PKLR: variants seen among roughly 807,000 people sequenced by gnomAD.
PKLR encodes pyruvate kinase L/R.
In PKLR, 38 loss-of-function variants were observed where a neutral mutation model predicts 53.6. That is an observed-to-expected ratio of 0.71 (90% confidence interval 0.55 to 0.93). The LOEUF is 0.93. PKLR is among the 40% of genes least tolerant of loss of function. The probability of loss-of-function intolerance (pLI) is 0.00; values close to 1 mark genes in which losing one functional copy is unlikely to be tolerated. For missense variants in PKLR, 702 were observed against 787.3 expected, an observed-to-expected ratio of 0.89 and a Z score of 1.30; for synonymous variants, 328 against 316.2, an observed-to-expected ratio of 1.04 and a Z score of -0.39.
the PKLR span, among the ~76,000 whole-genome samples, chr1:155,308,042 G>C: frequency 6.7e-6 from 1 of 150,330 alleles, no homozygotes; most frequent in African/African-American, 2.4e-5. Context: ...GGAATTACAA[G>C]TGTGAGACTC....
chr1:155,290,508 A>T lies in PKLR; in HGVS notation c.*64T>A. 1.0e-6 allele frequency: 1 copy of T among 970,482 alleles called. No homozygotes were observed. Among genetic ancestry groups the T allele is most frequent in the East Asian group, 2.5e-5 (1 of 40,458 alleles). 60.1% of individuals were successfully genotyped at this position (970,482 alleles called of 1,614,324 possible). A position where few individuals can be genotyped will look rare whatever the true frequency, so the allele number is the denominator to read the frequency against. ...GCTTTGGAGGGGTGTGGGCTGGAGA[A>T]CGTAGACTGGGGAGGAAGGGATGGG... On this transcript the variant is annotated 3_prime_UTR_variant, in exon 11 of 11. Transcript: ENST00000342741.
Position 155,290,175 on chromosome 1 carries a change from G to A in PKLR, c.*397C>T. The A allele has an allele frequency of 3.7e-6, 1 of 270,128 alleles. No homozygotes were observed. Among genetic ancestry groups the A allele is most frequent in the Admixed American group, 4.7e-5 (1 of 21,494 alleles). 16.7% of individuals were successfully genotyped at this position (270,128 alleles called of 1,614,324 possible). A position where few individuals can be genotyped will look rare whatever the true frequency, so the allele number is the denominator to read the frequency against. On this transcript the variant is annotated 3_prime_UTR_variant, in exon 11 of 11. Coordinates refer to ENST00000342741, the MANE Select transcript of PKLR (RefSeq NM_000298.6). Reference sequence around the variant, plus strand: ...GCTACATATGAGAATGGGAGACTGTGGACAAGATTGCCCTGTCTCCCCTCT... The same window carrying A: ...GCTACATATGAGAATGGGAGACTGTAGACAAGATTGCCCTGTCTCCCCTCT...
At chr1:155,304,760 C>G (rs1157608590), upstream of PKLR, among the ~76,000 whole-genome samples, 1 of 152,144 alleles carries the variant, frequency 6.6e-6, no homozygotes, top group Non-Finnish European at 1.5e-5. Flanking sequence ...ATTTGAGAAG[C>G]CAGTTAATCA....
In PKLR at chr1:155,291,561, G is replaced by A. The variant is rs182457669; in HGVS notation, c.1618+195C>T. Among the ~76,000 whole-genome samples the A allele has an allele frequency of 2.9e-3, 446 of 152,146 alleles. 1 individual carries two copies. Among genetic ancestry groups the A allele is most frequent in the African/African-American group, 7.7e-3 (319 of 41,496 alleles). On this transcript the variant is annotated intron_variant, in intron 10 of 10. Coordinates refer to ENST00000342741, the MANE Select transcript of PKLR (RefSeq NM_000298.6). Reference sequence around the variant, plus strand: ...GAGTGTGTTGCTAAGTAGCACGGCCGTCTGCCTGTGTGGCTATGCTGATGG... The same window carrying A: ...GAGTGTGTTGCTAAGTAGCACGGCCATCTGCCTGTGTGGCTATGCTGATGG...
chr1:155,300,987 C>A, intron 1 of PKLR: 2 of 1,557,938 alleles, frequency 1.3e-6, no homozygotes, highest in Non-Finnish European at 1.7e-6. Context: ...ATCAGTTCTG[C>A]AGACTGGTTA....
chr1:155,292,727 AGATATT>A (rs1391990447), intron 9 of PKLR, among the ~76,000 whole-genome samples: 4 of 152,208 alleles, frequency 2.6e-5, no homozygotes, highest in South Asian at 2.1e-4. Flanking sequence ...TTTACTATAT[AGATATT>A]AAGTACTATC....
At chr1:155,308,552 A>G in the PKLR span, 1 of 985,386 alleles carries the variant, frequency 1.0e-6, no homozygotes, top group Non-Finnish European at 1.2e-6. Context: ...CGTTTTACTA[A>G]CGTGCCAATC....
upstream of PKLR, chr1:155,301,443 A>T: frequency 3.1e-6 from 5 of 1,613,792 alleles, no homozygotes; most frequent in South Asian, 5.5e-5. Flanking sequence ...TGAGAGGGAG[A>T]GGATGACAAA....
chr1:155,294,603 T>C lies in PKLR; in HGVS notation c.844A>G (p.Ile282Val). Residue 282 changes from isoleucine (I) to valine (V), a missense_variant, in exon 6 of 11, where the codon ATC (isoleucine) becomes GTC (valine). Transcript: ENST00000342741. Reference protein sequence around the residue: ...LRFGVEHGVDIVFASFVRKAS... With the variant: ...LRFGVEHGVDVVFASFVRKAS... ...TTCCGCACAAAGGAGGCAAAGACGA[T>C]GTCCACCCCATGCTCCACCCCGAAG... The C allele has an allele frequency of 1.2e-6, 2 of 1,614,218 alleles. No individual in the cohort carries two copies. Among genetic ancestry groups the C allele is most frequent in the African/African-American group, 1.3e-5 (1 of 75,060 alleles).
At chr1:155,298,538 G>T (rs917136226) in intron 2 of PKLR, among the ~76,000 whole-genome samples, 2 of 149,146 alleles carry the variant, frequency 1.3e-5, no homozygotes, top group African/African-American at 5.0e-5. Context: ...CCATGTTGAG[G>T]CTGGTCTCGA....
chr1:155,293,570 G>A lies in PKLR; in HGVS notation c.1137C>T (p.Thr379=), dbSNP rs779728345. Residue 379 remains threonine (T), a synonymous_variant, in exon 8 of 11, where the codon ACC becomes ACT. Coordinates refer to ENST00000342741, the MANE Select transcript of PKLR (RefSeq NM_000298.6). The surrounding 1 kb of genome is among the most constrained non-coding windows in gnomAD (Gnocchi z 4.2). ...CATQMLESMI[T]KPRPTRAETS... ...TCTCTGCCCTCGTTGGCCGGGGCTT[G>A]GTAATCATGCTCTCCAGCATCTGGG... The A allele has an allele frequency of 3.7e-6, 6 of 1,614,138 alleles. No homozygotes were observed. The highest frequency in any genetic ancestry group is 5.1e-6 in the Non-Finnish European group (6 of 1,179,996).
chr1:155,293,335 C>T lies in PKLR; in HGVS notation c.1278G>A (p.Arg426=), dbSNP rs1015344316. 1.2e-6 allele frequency: 2 copies of T among 1,614,126 alleles called. No individual in the cohort carries two copies. The highest frequency in any genetic ancestry group is 2.7e-5 in the African/African-American group (2 of 74,934). ...EAVKMQHAIA[R]EAEAAVYHRQ... is the part of the protein sequence containing the mutation. ...GGTGGTACACTGCGGCCTCTGCCTC[C>T]CGGGCAATCTGCAGGTGCCAGAATG... is the stretch of plus-strand genomic sequence containing the variant. The change falls in exon 9 of 11, where the codon CGG becomes CGA. Residue 426 remains arginine (R), a synonymous_variant. Coordinates refer to ENST00000342741, the MANE Select transcript of PKLR (RefSeq NM_000298.6). This position sits in a 1 kb window ranked among gnomAD's most constrained non-coding sequence, Gnocchi z 4.2.
chr1:155,304,155 G>A (rs1412756857), upstream of PKLR, among the ~76,000 whole-genome samples: 3 of 152,080 alleles, frequency 2.0e-5, no homozygotes, highest in South Asian at 2.1e-4. Context: ...GATGGTAGCC[G>A]GGAGCGGTGG....
upstream of PKLR, among the ~76,000 whole-genome samples, chr1:155,306,084 C>A (rs538121400): frequency 1.3e-5 from 2 of 152,168 alleles, no homozygotes; most frequent in East Asian, 1.9e-4. The surrounding 1 kb of genome is among the most constrained non-coding windows in gnomAD (Gnocchi z 4.2). Context: ...GGGACAGACA[C>A]TTTGACCTGA....
chr1:155,302,775 C>T (rs984038477), upstream of PKLR, among the ~76,000 whole-genome samples: 4 of 151,966 alleles, frequency 2.6e-5, no homozygotes, highest in East Asian at 3.9e-4. Context: ...TGGGCTCCAA[C>T]GATCCTCCCA....
upstream of PKLR, among the ~76,000 whole-genome samples, chr1:155,303,175 A>C (rs929110219): frequency 5.3e-5 from 8 of 152,208 alleles, no homozygotes; most frequent in Admixed American, 4.6e-4. Flanking sequence ...CTTTGGCCTG[A>C]TTGCCCTGGC....
chr1:155,290,558 GA>G lies in PKLR; in HGVS notation c.*13del. Reference sequence around the variant, plus strand: ...GGTACAAGGGTAGGCTGGGCCAGAGGAGGGAGGGGCGTCTCAGGATATGCTT... The same window carrying G: ...GGTACAAGGGTAGGCTGGGCCAGAGGGGGAGGGGCGTCTCAGGATATGCTT... On this transcript the variant is annotated 3_prime_UTR_variant, in exon 11 of 11. Coordinates refer to ENST00000342741, the MANE Select transcript of PKLR (RefSeq NM_000298.6). 2 of 1,522,078 alleles carry G rather than the reference GA, an allele frequency of 1.3e-6. No individual in the cohort carries two copies. The highest frequency in any genetic ancestry group is 1.8e-6 in the Non-Finnish European group (2 of 1,097,310). 94.3% of individuals were successfully genotyped at this position (1,522,078 alleles called of 1,614,324 possible). A position where few individuals can be genotyped will look rare whatever the true frequency, so the allele number is the denominator to read the frequency against.
At chr1:155,304,555 G>A (rs1648179608), upstream of PKLR, among the ~76,000 whole-genome samples, 1 of 152,106 alleles carries the variant, frequency 6.6e-6, no homozygotes, top group Non-Finnish European at 1.5e-5. Flanking sequence ...GACGAAGAGA[G>A]GGGGACGGCT....
chr1:155,291,681 G>A (rs747439955), intron 10 of PKLR, 75 bp downstream of exon 10: 3 of 1,332,246 alleles, frequency 2.3e-6, no homozygotes. Context: ...GGCCCTTTGA[G>A]TGGGTATGGG....
Sources: allele counts gnomAD v4.1 joint callset (sites outside exome capture counted in the v4.1 genomes callset), GRCh38; gene constraint gnomAD v4.1.1; non-coding constraint Gnocchi (gnomAD v3.1); transcripts MANE v1.5; gene names NCBI Gene and HGNC (gene_info 2026-07-23, HGNC 2026-07-21).